The following CLUL1 variants were observed in gnomAD, a reference collection of about 807,000 sequenced individuals.
CLUL1 encodes the protein clusterin-like protein 1.
CLUL1 carries 43 observed loss-of-function variants against 49.4 expected under a neutral mutation model. The ratio of observed to expected loss-of-function variants is 0.87; its 90% CI spans 0.68 to 1.12. The LOEUF (loss-of-function observed/expected upper bound fraction) is 1.12, where lower values mean the gene tolerates loss of function less well. CLUL1 is among the 50% of genes most tolerant of loss of function. The pLI, the probability that CLUL1 is intolerant of heterozygous loss-of-function variation, is 0.00. For synonymous variants in CLUL1, 192 were observed against 184.9 expected, an observed-to-expected ratio of 1.04 and a Z score of -0.31; for missense variants, 486 against 544.4, an observed-to-expected ratio of 0.89 and a Z score of 1.07.
intron 2 of CLUL1, among the ~76,000 whole-genome samples, chr18:611,618 AG>A (rs924835355): frequency 3.3e-5 from 5 of 152,198 alleles, no homozygotes; most frequent in African/African-American, 1.2e-4. Context: ...ATTAAGGGAA[AG>A]GTAACCACAT....
chr18:644,181 A>G (rs2074411336), intron 8 of CLUL1, among the ~76,000 whole-genome samples: 2 of 152,224 alleles, frequency 1.3e-5, no homozygotes, highest in Non-Finnish European at 2.9e-5. Flanking sequence ...TGCAGTTTTT[A>G]TGTATGTTAT....
intron 7 of CLUL1, among the ~76,000 whole-genome samples, chr18:637,135 C>T (rs1043356582): frequency 6.6e-6 from 1 of 151,846 alleles, no homozygotes; most frequent in East Asian, 1.9e-4. Context: ...TACAGGCGCC[C>T]GCCACCATGC....
chr18:606,860 C>T lies in CLUL1; in HGVS notation c.-135-118C>T, dbSNP rs533243116. The T allele has an allele frequency of 7.9e-6, 4 of 507,810 alleles. No homozygotes were observed. The highest frequency in any genetic ancestry group is 1.4e-5 in the Non-Finnish European group (4 of 286,366). The allele number at this position is 507,810 out of a possible 1,614,324, so 31.5% of individuals were successfully genotyped here. A position where few individuals can be genotyped will look rare whatever the true frequency, so the allele number is the denominator to read the frequency against. On this transcript the variant is annotated intron_variant, in intron 1 of 9. Coordinates refer to ENST00000692774, the MANE Select transcript of CLUL1 (RefSeq NM_001393344.1). The surrounding 1 kb of genome is among the most constrained non-coding windows in gnomAD (Gnocchi z 4.1). ...TCTGCCTTCCCCCACCAGCACCCCC[C>T]ACAAGGCAAGGCCAGTTCACCCTCA...
At chr18:636,839 C>G (rs2074152663) in intron 7 of CLUL1, among the ~76,000 whole-genome samples, 6 of 151,208 alleles carry the variant, frequency 4.0e-5, no homozygotes, top group Middle Eastern at 3.5e-3. Context: ...GTTGGTTAGG[C>G]TGGTGGCGAA....
intron 1 of CLUL1, among the ~76,000 whole-genome samples, chr18:605,227 T>C (rs1343626932): frequency 6.6e-6 from 1 of 152,258 alleles, no homozygotes; most frequent in Non-Finnish European, 1.5e-5. Flanking sequence ...TATTCTACAA[T>C]GTGCTATTAC....
chr18:632,007 C>T (rs891662860), intron 6 of CLUL1, among the ~76,000 whole-genome samples: 1 of 152,182 alleles, frequency 6.6e-6, no homozygotes, highest in African/African-American at 2.4e-5. Context: ...CAGTGCTTCA[C>T]TGTTTTTAAA....
chr18:616,155 A>C (rs961673471), intron 2 of CLUL1, among the ~76,000 whole-genome samples: 4 of 152,220 alleles, frequency 2.6e-5, no homozygotes, highest in Admixed American at 6.5e-5. Flanking sequence ...TGAATCATTA[A>C]GGGCTACATT....
At chr18:617,771 C>T (rs1025967366) in intron 2 of CLUL1, among the ~76,000 whole-genome samples, 5 of 98,532 alleles carry the variant, frequency 5.1e-5, no homozygotes, top group African/African-American at 1.3e-4. Flanking sequence ...TTTTAACTGT[C>T]GTGAAGAGTT....
chr18:625,006 C>T lies in CLUL1; in HGVS notation c.397C>T (p.Pro133Ser). The change falls in exon 5 of 10, where the codon CCT becomes TCT. Residue 133 changes from proline (P) to serine (S), a missense_variant. By Grantham distance (74) the Pro-to-Ser change is moderately conservative. Transcript: ENST00000692774. ...CATGAGAATTTATACAACCTGCCAA[C>T]CTAGCTGGTCCTCTGTGAAAAATAA... Reference protein sequence around the residue: ...NCMRIYTTCQPSWSSVKNKIE... With the variant: ...NCMRIYTTCQSSWSSVKNKIE... The T allele has an allele frequency of 6.8e-6, 11 of 1,614,106 alleles. No homozygotes were observed. Among genetic ancestry groups the T allele is most frequent in the Non-Finnish European group, 9.3e-6 (11 of 1,180,008 alleles).
chr18:602,657 A>G (rs1360832578), intron 1 of CLUL1, among the ~76,000 whole-genome samples: 1 of 152,168 alleles, frequency 6.6e-6, no homozygotes, highest in Non-Finnish European at 1.5e-5. Flanking sequence ...AGAGGAAGAG[A>G]CAGGTAATAA....
chr18:619,422 G>A, intron 4 of CLUL1, 61 bp downstream of exon 4: 1 of 1,363,418 alleles, frequency 7.3e-7, no homozygotes, highest in Non-Finnish European at 9.9e-7. Context: ...TACTGCACTT[G>A]TTAGTGCGAT....
At chr18:599,034 A>G (rs1464109438) in intron 1 of CLUL1, among the ~76,000 whole-genome samples, 1 of 152,244 alleles carries the variant, frequency 6.6e-6, no homozygotes, top group African/African-American at 2.4e-5. Flanking sequence ...AACAAGCGCT[A>G]AAGATACAAA....
intron 2 of CLUL1, chr18:612,675 G>A (rs921772911): frequency 3.9e-5 from 6 of 152,174 alleles, no homozygotes; most frequent in Admixed American, 2.6e-4. Flanking sequence ...TAAGTTACTG[G>A]CTATCCCATC....
rs1388507424 is a variant in CLUL1, at chr18:618,208, T to G, written c.106+102T>G. On this transcript the variant is annotated intron_variant, in intron 3 of 9. Transcript: ENST00000692774. This position sits in a 1 kb window ranked among gnomAD's most constrained non-coding sequence, Gnocchi z 4.2. ...TTGAGAGATAACCATATTCGCTGTT[T>G]TCACGGTGAAACGTTCTCAAGGCGC... 1.2e-6 allele frequency: 1 copy of G among 857,326 alleles called. No homozygotes were observed. Among genetic ancestry groups the G allele is most frequent in the Non-Finnish European group, 1.9e-6 (1 of 529,810 alleles). 53.1% of individuals were successfully genotyped at this position (857,326 alleles called of 1,614,324 possible).
At chr18:604,537 A>G (rs2072917424) in intron 1 of CLUL1, among the ~76,000 whole-genome samples, 1 of 152,258 alleles carries the variant, frequency 6.6e-6, no homozygotes, top group African/African-American at 2.4e-5. Context: ...TGTTTCATAC[A>G]TATATTTCTA....
In CLUL1 at chr18:619,402, G is replaced by A. The variant is rs373683274; in HGVS notation, c.255+41G>A. ...ATAATGTCTGTTCTTACACAGATCT[G>A]GACCAGAAATACTGCACTTGTTAGT... On this transcript the variant is annotated intron_variant, in intron 4 of 9. Coordinates refer to ENST00000692774, the MANE Select transcript of CLUL1 (RefSeq NM_001393344.1). 46 of 1,554,010 alleles carry A rather than the reference G, an allele frequency of 3.0e-5. No individual in the cohort carries two copies. The Admixed American group carries it at 8.5e-4, about 29-fold the overall frequency.
chr18:625,670 A>G (rs911894797), intron 5 of CLUL1, among the ~76,000 whole-genome samples: 1 of 152,108 alleles, frequency 6.6e-6, no homozygotes, highest in Admixed American at 6.5e-5. Flanking sequence ...TGGTGACCTG[A>G]ATAGGATGAG....
chr18:638,049 C>T (rs1403890974), intron 7 of CLUL1, among the ~76,000 whole-genome samples: 1 of 152,038 alleles, frequency 6.6e-6, no homozygotes, highest in Non-Finnish European at 1.5e-5. Flanking sequence ...ACTGCTGACT[C>T]GAGGACTCTC....
At position 633,390 on chromosome 18, in the gene CLUL1, A is replaced by C; in HGVS notation, c.949A>C (p.Lys317Gln). ...TGACCAGAATTTGTCAAGATGTTTCAAATTTCATGAAAAATGCCAAAAATG... is the reference window on the plus strand; with the variant it reads ...TGACCAGAATTTGTCAAGATGTTTCCAATTTCATGAAAAATGCCAAAAATG... Reference protein sequence around the residue: ...ELDQNLSRCFKFHEKCQKCQA... With the variant: ...ELDQNLSRCFQFHEKCQKCQA... The change falls in exon 7 of 10, where the codon AAA becomes CAA. Residue 317 changes from lysine (K) to glutamine (Q), a missense_variant. Lys to Gln is a moderately conservative substitution (Grantham distance 53, BLOSUM62 1). Transcript: ENST00000692774. 1 of 1,614,032 alleles carries C rather than the reference A, an allele frequency of 6.2e-7. No homozygotes were observed. Among genetic ancestry groups the C allele is most frequent in the Non-Finnish European group, 8.5e-7 (1 of 1,179,888 alleles).
Sources: gnomAD v4.1 joint callset for allele counts (sites outside exome capture counted in the v4.1 genomes callset) on GRCh38, gnomAD v4.1.1 for gene constraint, Gnocchi (gnomAD v3.1) non-coding constraint, MANE v1.5 for transcripts, NCBI Gene and HGNC (gene_info 2026-07-23, HGNC 2026-07-21) for gene names.